The following ELF1 variants were observed in gnomAD, a reference collection of about 807,000 sequenced individuals.
ELF1 encodes the protein ETS-related transcription factor Elf-1.
In ELF1, 24 loss-of-function variants were observed where a neutral mutation model predicts 59.9. The observed-to-expected ratio is 0.40, with a 90% CI of 0.29 to 0.56. The LOEUF is 0.56. ELF1 is among the 20% of genes least tolerant of loss of function. The pLI is 0.44. For missense variants in ELF1, 627 were observed against 742.2 expected (o/e 0.84, Z 1.80); for synonymous variants, 248 against 266.2 (o/e 0.93, Z 0.67).
chr13:41,057,606 T>C (rs953168681), intron 1 of ELF1, among the ~76,000 whole-genome samples: 1 of 152,152 alleles, frequency 6.6e-6, no homozygotes, highest in Non-Finnish European at 1.5e-5. Flanking sequence ...GATTTCGCCA[T>C]GTTGATCCAC....
intron 1 of ELF1, among the ~76,000 whole-genome samples, chr13:40,995,549 C>T (rs969294764): frequency 1.5e-4 from 23 of 151,860 alleles, no homozygotes; most frequent in Non-Finnish European, 2.5e-4. Flanking sequence ...ATAGAGAGCA[C>T]GGTTAATGGC....
At chr13:40,995,107 C>A (rs1874064985) in intron 1 of ELF1, among the ~76,000 whole-genome samples, 1 of 152,112 alleles carries the variant, frequency 6.6e-6, no homozygotes, top group Non-Finnish European at 1.5e-5. Flanking sequence ...GGAGGCACAC[C>A]AACAACTGAA....
At chr13:40,992,832 G>A in intron 1 of ELF1, 3 of 519,742 alleles carry the variant, frequency 5.8e-6, no homozygotes, top group Non-Finnish European at 1.0e-5. Flanking sequence ...ACAAATTTCT[G>A]TTGATCACCT....
At chr13:40,991,368 T>C (rs1029228552) in intron 1 of ELF1, among the ~76,000 whole-genome samples, 2 of 152,232 alleles carry the variant, frequency 1.3e-5, no homozygotes, top group Admixed American at 1.3e-4. Flanking sequence ...ACAGTTTTTC[T>C]GTAAATATAA....
intron 1 of ELF1, among the ~76,000 whole-genome samples, chr13:41,047,977 C>G (rs183011503): frequency 6.6e-6 from 1 of 152,214 alleles, no homozygotes; most frequent in Non-Finnish European, 1.5e-5. Context: ...TCAGCAATGG[C>G]GGGTGCCCCT....
At position 41,050,606 on chromosome 13, in the gene ELF1, G is replaced by C. The variant is rs542906401; in HGVS notation, c.-229+10232C>G. On this transcript the variant is annotated intron_variant, in intron 1 of 1. Coordinates refer to the ELF1 transcript ENST00000405737. ...GAGTCTCGCTCTGTCACCCAGTCTG[G>C]AGTGCAGTGGCACAATCTCGGATCG... is the stretch of plus-strand genomic sequence containing the variant. 1.2e-3 allele frequency among the ~76,000 whole-genome samples: 188 copies of C among 152,218 alleles called. 1 individual carries two copies. The highest frequency in any genetic ancestry group is 4.5e-3 in the African/African-American group (186 of 41,532).
intron 1 of ELF1, among the ~76,000 whole-genome samples, chr13:41,017,144 T>A (rs1321154321): frequency 1.3e-5 from 2 of 151,450 alleles, no homozygotes; most frequent in African/African-American, 4.9e-5. Flanking sequence ...ATAAAATGAA[T>A]GCATCATCTT....
chr13:41,034,370 T>C (rs956048779), intron 1 of ELF1, among the ~76,000 whole-genome samples: 1 of 152,206 alleles, frequency 6.6e-6, no homozygotes, highest in African/African-American at 2.4e-5. Context: ...CACTATACTA[T>C]GACTGCATAA....
intron 5 of ELF1, among the ~76,000 whole-genome samples, chr13:40,946,328 C>T (rs1190117720): frequency 6.6e-6 from 1 of 152,220 alleles, no homozygotes; most frequent in African/African-American, 2.4e-5. Flanking sequence ...AACACCACCA[C>T]TACATTCAAA....
chr13:41,003,571 G>A (rs542010002), intron 1 of ELF1, among the ~76,000 whole-genome samples: 1 of 152,252 alleles, frequency 6.6e-6, no homozygotes, highest in Admixed American at 6.5e-5. Flanking sequence ...CTGTTGACAA[G>A]ACGACTGCAA....
chr13:41,014,814 T>C (rs934001943), intron 1 of ELF1, among the ~76,000 whole-genome samples: 4 of 152,234 alleles, frequency 2.6e-5, no homozygotes, highest in African/African-American at 9.6e-5. Context: ...TACCTAACAA[T>C]GTCCCATTAG....
At chr13:40,982,645 G>A (rs1177751793) in intron 1 of ELF1, among the ~76,000 whole-genome samples, 1 of 151,728 alleles carries the variant, frequency 6.6e-6, no homozygotes, top group South Asian at 2.1e-4. Flanking sequence ...CACCAACTCA[G>A]CAAAGCACAT....
At chr13:40,984,241 G>A (rs1396526138) in intron 1 of ELF1, among the ~76,000 whole-genome samples, 1 of 152,124 alleles carries the variant, frequency 6.6e-6, no homozygotes, top group East Asian at 1.9e-4. Flanking sequence ...ATGACAAAAA[G>A]GATTATATTG....
At chr13:41,026,826 A>G (rs1026964514) in intron 1 of ELF1, among the ~76,000 whole-genome samples, 2 of 152,202 alleles carry the variant, frequency 1.3e-5, no homozygotes, top group Non-Finnish European at 2.9e-5. Context: ...CTAAAGGCAC[A>G]AGTTACATGA....
chr13:40,981,732 T>C (rs1873282796), intron 2 of ELF1, among the ~76,000 whole-genome samples: 1 of 152,144 alleles, frequency 6.6e-6, no homozygotes. Context: ...AAGTCTCATT[T>C]TACAAAAAAA....
At chr13:40,934,330 G>C (rs561591556) in intron 8 of ELF1, among the ~76,000 whole-genome samples, 2 of 151,572 alleles carry the variant, frequency 1.3e-5, no homozygotes, top group South Asian at 4.2e-4. Flanking sequence ...TGGGGAAGGA[G>C]GAGGATGTTA....
At chr13:41,002,299 A>C (rs538500486) in intron 1 of ELF1, among the ~76,000 whole-genome samples, 3 of 152,084 alleles carry the variant, frequency 2.0e-5, no homozygotes, top group African/African-American at 7.2e-5. Context: ...AGAAGAAATA[A>C]TTCTTCCTAT....
intron 1 of ELF1, chr13:41,060,817 T>TCC (rs1877538031): frequency 1.3e-5 from 3 of 228,628 alleles, no homozygotes; most frequent in African/African-American, 7.0e-5. Flanking sequence ...GGAAGTGCTA[T>TCC]GAGAAACTGC....
intron 5 of ELF1, among the ~76,000 whole-genome samples, chr13:40,944,485 C>T (rs1376954433): frequency 3.3e-5 from 5 of 152,254 alleles, no homozygotes; most frequent in South Asian, 2.1e-4. Context: ...TAAATGCTAT[C>T]CTCCTGTGTA....
Sources: allele counts gnomAD v4.1 joint callset (sites outside exome capture counted in the v4.1 genomes callset), GRCh38; gene constraint gnomAD v4.1.1; transcripts MANE v1.5; gene names NCBI Gene and HGNC (gene_info 2026-07-23, HGNC 2026-07-21).